The following NOS2 variants were observed in gnomAD, a reference collection of about 807,000 sequenced individuals.
NOS2 encodes the protein nitric oxide synthase 2.
NOS2 carries 96 observed loss-of-function variants against 136.0 expected under a neutral mutation model. The observed-to-expected ratio is 0.71, with a 90% CI of 0.60 to 0.84. NOS2 has a LOEUF of 0.84. Ranked by LOEUF, NOS2 falls within the 40% of genes least tolerant of loss-of-function variation. NOS2 has a pLI of 0.00. For synonymous variants in NOS2, 539 were observed against 587.5 expected, an observed-to-expected ratio of 0.92 and a Z score of 1.20; for missense variants, 1,237 against 1,496.9, an observed-to-expected ratio of 0.83 and a Z score of 2.87.
Position 27,757,136 on chromosome 17 carries a change from T to G in NOS2, c.*110A>C. On this transcript the variant is annotated 3_prime_UTR_variant, in exon 27 of 27. Coordinates refer to ENST00000313735, the MANE Select transcript of NOS2 (RefSeq NM_000625.4). Reference sequence around the variant, plus strand: ...ACGTTGAGGAAATAAGACTTGAGGCTGGGGGATATCACTTTCCTCCATCTC... The same window carrying G: ...ACGTTGAGGAAATAAGACTTGAGGCGGGGGGATATCACTTTCCTCCATCTC... 1.3e-6 allele frequency: 1 copy of G among 788,748 alleles called. No homozygotes were observed. Among genetic ancestry groups the G allele is most frequent in the Non-Finnish European group, 2.0e-6 (1 of 497,358 alleles). The allele number at this position is 788,748 out of a possible 1,614,324, so 48.9% of individuals were successfully genotyped here.
At chr17:27,793,192 G>A (rs1909246463) in intron 2 of NOS2, among the ~76,000 whole-genome samples, 2 of 151,798 alleles carry the variant, frequency 1.3e-5, no homozygotes, top group African/African-American at 4.8e-5. Flanking sequence ...GGGGACAGAT[G>A]GGGAGGGTGG....
intron 9 of NOS2, among the ~76,000 whole-genome samples, chr17:27,779,273 C>T: frequency 7.0e-6 from 1 of 142,226 alleles, no homozygotes; most frequent in Non-Finnish European, 1.5e-5. Flanking sequence ...CCATCTTGCT[C>T]AGCTAATTTT....
intron 26 of NOS2, among the ~76,000 whole-genome samples, chr17:27,758,171 G>A (rs1395059857): frequency 1.3e-5 from 2 of 152,176 alleles, no homozygotes; most frequent in African/African-American, 4.8e-5. Context: ...CACATAGTAG[G>A]TGCTCAATAA....
At chr17:27,777,397 T>C (rs1236764043) in intron 11 of NOS2, among the ~76,000 whole-genome samples, 1 of 152,192 alleles carries the variant, frequency 6.6e-6, no homozygotes, top group Non-Finnish European at 1.5e-5. Flanking sequence ...AGTGTTTCTA[T>C]GAGTAAGAGC....
Position 27,767,746 on chromosome 17 carries a change from T to C in NOS2, c.2126A>G (p.Tyr709Cys). 6.2e-7 allele frequency: 1 copy of C among 1,613,670 alleles called. No homozygotes were observed. Among genetic ancestry groups the C allele is most frequent in the South Asian group, 1.1e-5 (1 of 91,066 alleles). The change falls in exon 18 of 27, where the codon TAC becomes TGC. Residue 709 changes from tyrosine (Y) to cysteine (C), a missense_variant. Physicochemically the swap from Tyr to Cys is radical, Grantham distance 194 (BLOSUM62 -2). Transcript: ENST00000313735. ...AGGCTGTGAGTCCTGCACGAGCCTG[T>C]AGTGGTGCGGGTCCCAGGTCACATT... ...TSNVTWDPHH[Y>C]RLVQDSQPLD...
intron 5 of NOS2, among the ~76,000 whole-genome samples, chr17:27,783,715 G>C (rs1908924332): frequency 6.6e-6 from 1 of 152,204 alleles, no homozygotes; most frequent in African/African-American, 2.4e-5. Context: ...GGATCTCAAG[G>C]CTCTAGGAGG....
intron 12 of NOS2, 141 bp downstream of exon 12, chr17:27,774,116 T>G (rs1908586804): frequency 1.9e-6 from 1 of 531,902 alleles, no homozygotes. Flanking sequence ...TCAGCATCCT[T>G]GAGTGGGGCC....
At chr17:27,789,554 T>C (rs1909127202) in intron 3 of NOS2, 50 bp downstream of exon 3, 1 of 1,399,996 alleles carries the variant, frequency 7.1e-7, no homozygotes, top group Non-Finnish European at 1.0e-6. Context: ...TGTCTGCATC[T>C]GCCTGGACCA....
intron 2 of NOS2, among the ~76,000 whole-genome samples, chr17:27,797,455 G>C (rs1041256155): frequency 6.6e-6 from 1 of 152,214 alleles, no homozygotes; most frequent in South Asian, 2.1e-4. Context: ...TCAGAGGCTA[G>C]GGGACTTGCC....
chr17:27,760,453 C>T (rs1315306416), intron 24 of NOS2, among the ~76,000 whole-genome samples, 170 bp downstream of exon 24: 1 of 152,198 alleles, frequency 6.6e-6, no homozygotes, highest in Admixed American at 6.5e-5. Context: ...GGCTACTATG[C>T]GGGAGACGGA....
intron 9 of NOS2, 27 bp from the exon 10 acceptor site, chr17:27,779,083 C>G (rs753088442): frequency 7.2e-7 from 1 of 1,396,572 alleles, no homozygotes; most frequent in Admixed American, 2.7e-5. Context: ...CACAATTTAA[C>G]TGGGGCCTTC....
In NOS2 at chr17:27,781,115, G is replaced by A; in HGVS notation, c.785C>T (p.Ala262Val). The change falls in exon 8 of 27, where the codon GCT (alanine) becomes GTT (valine). Residue 262 changes from alanine to valine, a missense_variant. Ala to Val is a moderately conservative substitution (Grantham distance 64). Coordinates refer to ENST00000313735, the MANE Select transcript of NOS2 (RefSeq NM_000625.4). ...DGKHDFRVWN[A>V]QLIRYAGYQM... ...GTAGCCAGCATAGCGGATGAGCTGA[G>A]CATTCCACACCCGGAAGTCGTGCTT... is the stretch of plus-strand genomic sequence containing the variant. 1.2e-6 allele frequency: 2 copies of A among 1,613,306 alleles called. No individual in the cohort carries two copies. The highest frequency in any genetic ancestry group is 1.7e-6 in the Non-Finnish European group (2 of 1,180,020).
At chr17:27,781,985 C>T (rs1198042448) in intron 7 of NOS2, 30 bp downstream of exon 7, 1 of 1,597,950 alleles carries the variant, frequency 6.3e-7, no homozygotes. Flanking sequence ...AAGGCAAGCC[C>T]CTCTGCAGCC....
intron 2 of NOS2, among the ~76,000 whole-genome samples, chr17:27,795,278 TTA>T (rs1909321517): frequency 6.6e-6 from 1 of 152,212 alleles, no homozygotes; most frequent in Non-Finnish European, 1.5e-5. Flanking sequence ...AGTGTAGATG[TTA>T]TGAGTTTGGA....
intron 14 of NOS2, among the ~76,000 whole-genome samples, chr17:27,771,478 G>T (rs1228018101): frequency 6.6e-6 from 1 of 152,250 alleles, no homozygotes; most frequent in East Asian, 1.9e-4. Context: ...TCTCCTGGCA[G>T]TTCCAGACTC....
At chr17:27,787,913 CCTCTCTGGCTG>C in intron 4 of NOS2, 87 bp from the exon 5 acceptor site, 1 of 1,416,978 alleles carries the variant, frequency 7.1e-7, no homozygotes, top group Non-Finnish European at 9.5e-7. Context: ...CCACCTGGCT[CCTCTCTGGCTG>C]CTCCGGCTCC....
intron 2 of NOS2, among the ~76,000 whole-genome samples, chr17:27,792,612 C>A (rs544464508): frequency 1.3e-5 from 2 of 152,142 alleles, no homozygotes; most frequent in East Asian, 3.9e-4. Flanking sequence ...TCTGACCCCG[C>A]AGACGCTCGT....
intron 2 of NOS2, chr17:27,793,688 C>A (rs1020145845): frequency 7.6e-6 from 3 of 395,590 alleles, no homozygotes; most frequent in Non-Finnish European, 1.3e-5. Context: ...CCCAGCCCCT[C>A]GCGCATGGCC....
In NOS2 at chr17:27,760,722, C is replaced by T. The variant is rs368280070; in HGVS notation, c.2911G>A (p.Glu971Lys). Reference sequence around the variant, plus strand: ...AGGATGCAAGGATGGGAGGGATCCTCGGGGAGGTGGAAGCCGCTGGCACTG... The same window carrying T: ...AGGATGCAAGGATGGGAGGGATCCTTGGGGAGGTGGAAGCCGCTGGCACTG... ...VRNASGFHLPEDPSHPCILIG... is the reference protein window; with the variant it reads ...VRNASGFHLPKDPSHPCILIG... The change falls in exon 24 of 27, where the codon GAG becomes AAG. Residue 971 changes from glutamate to lysine, a missense_variant. Glu to Lys is a moderately conservative substitution (Grantham distance 56). Around this residue, in one of 3 missense-constraint regions of NOS2, gnomAD observed 782 missense variants for 909.9 expected, o/e 0.86. Transcript: ENST00000313735. 1.1e-5 allele frequency: 17 copies of T among 1,549,746 alleles called. No individual in the cohort carries two copies. The African/African-American group carries it at 1.5e-4, about 14-fold the overall frequency.
Sources: gnomAD v4.1 joint callset for allele counts (sites outside exome capture counted in the v4.1 genomes callset) on GRCh38, gnomAD v4.1.1 for gene constraint, gnomAD v4.1.1 regional missense constraint, MANE v1.5 for transcripts, NCBI Gene and HGNC (gene_info 2026-07-23, HGNC 2026-07-21) for gene names.